The following XKR9 variants were observed in gnomAD, a reference collection of about 807,000 sequenced individuals.
The protein encoded by XKR9 is XK-related protein 9.
XKR9 carries 32 observed loss-of-function variants against 32.0 expected under a neutral mutation model. The ratio of observed to expected loss-of-function variants is 1.00; its 90% CI spans 0.76 to 1.34. The LOEUF (loss-of-function observed/expected upper bound fraction) is 1.34, where lower values mean the gene tolerates loss of function less well. XKR9 is among the 40% of genes most tolerant of loss of function. The pLI is 0.00. For missense variants in XKR9, 546 were observed against 429.7 expected (o/e 1.27, Z -2.39); for synonymous variants, 168 against 143.4 (o/e 1.17, Z -1.22).
At chr8:70,872,490 A>C in the XKR9 span, among the ~76,000 whole-genome samples, 2 of 152,380 alleles carry the variant, frequency 1.3e-5, no homozygotes, top group Admixed American at 1.3e-4. Context: ...AGATTTAGCT[A>C]AGATCATTGA....
intron 3 of XKR9, among the ~76,000 whole-genome samples, chr8:70,704,327 T>TATACAATGGCA (rs1805645184): frequency 6.6e-6 from 1 of 152,238 alleles, no homozygotes; most frequent in African/African-American, 2.4e-5. Flanking sequence ...TATTTGCCAT[T>TATACAATGGCA]AATTGTTTCA....
chr8:70,814,589 A>G, the XKR9 span, among the ~76,000 whole-genome samples: 6 of 152,100 alleles, frequency 3.9e-5, no homozygotes, highest in Non-Finnish European at 7.4e-5. Flanking sequence ...TAGAAAGAAC[A>G]TATCTAAAAA....
the XKR9 span, among the ~76,000 whole-genome samples, chr8:70,999,905 A>G: frequency 6.6e-6 from 1 of 152,192 alleles, no homozygotes; most frequent in African/African-American, 2.4e-5. Context: ...GCTAAGAAGT[A>G]TTTTGCTTCT....
the XKR9 span, among the ~76,000 whole-genome samples, chr8:70,795,567 C>A: frequency 6.6e-6 from 1 of 152,128 alleles, no homozygotes; most frequent in Admixed American, 6.5e-5. Context: ...CAACGTCTTC[C>A]ATAATGGTTG....
the XKR9 span, among the ~76,000 whole-genome samples, chr8:71,057,643 A>C: frequency 0.39 from 59,801 of 152,030 alleles, 13,596 homozygotes; most frequent in Non-Finnish European, 0.53. Flanking sequence ...ACAGTGTCAG[A>C]ACTGAGCAAA....
chr8:70,930,518 T>C, the XKR9 span, among the ~76,000 whole-genome samples: 1 of 152,298 alleles, frequency 6.6e-6, no homozygotes, highest in Admixed American at 6.5e-5. Flanking sequence ...AAGAGAGATA[T>C]TTTAAATCCC....
the XKR9 span, among the ~76,000 whole-genome samples, chr8:70,797,207 G>T: frequency 1.3e-5 from 2 of 151,958 alleles, no homozygotes; most frequent in African/African-American, 4.8e-5. Context: ...AGTGAGGGGT[G>T]TGCGCACACA....
the XKR9 span, among the ~76,000 whole-genome samples, chr8:71,057,966 C>T: frequency 6.6e-6 from 1 of 152,042 alleles, no homozygotes; most frequent in African/African-American, 2.4e-5. Context: ...GGATGGATCA[C>T]GAGATCAGAT....
chr8:70,883,263 G>A, the XKR9 span, among the ~76,000 whole-genome samples: 1 of 151,988 alleles, frequency 6.6e-6, no homozygotes, highest in Non-Finnish European at 1.5e-5. Flanking sequence ...ACTTCACTTA[G>A]AATAATGGCC....
intron 2 of XKR9, among the ~76,000 whole-genome samples, chr8:70,765,992 G>T (rs565968030): frequency 1.3e-5 from 2 of 151,884 alleles, no homozygotes; most frequent in South Asian, 4.2e-4. Context: ...CAGTCTTCTT[G>T]TTTTGGTTAC....
the XKR9 span, among the ~76,000 whole-genome samples, chr8:71,009,564 T>C: frequency 2.0e-5 from 3 of 152,038 alleles, no homozygotes; most frequent in Non-Finnish European, 4.4e-5. Flanking sequence ...TGTTTTGGGG[T>C]TGCAAAGCAA....
At chr8:70,991,186 G>T in the XKR9 span, among the ~76,000 whole-genome samples, 6 of 152,130 alleles carry the variant, frequency 3.9e-5, no homozygotes, top group African/African-American at 1.2e-4. Flanking sequence ...GTGTCTTGCT[G>T]CAGGGAAATA....
At chr8:70,902,840 C>G in the XKR9 span, among the ~76,000 whole-genome samples, 483 of 152,084 alleles carry the variant, frequency 3.2e-3, 1 homozygote, top group African/African-American at 0.011. Context: ...TAGCATGAAG[C>G]GCTGTTGAAT....
chr8:71,010,350 C>T, the XKR9 span, among the ~76,000 whole-genome samples: 1 of 152,162 alleles, frequency 6.6e-6, no homozygotes, highest in African/African-American at 2.4e-5. Flanking sequence ...TTAATGGTCC[C>T]ATATGTGTTT....
chr8:70,847,423 G>T, the XKR9 span, among the ~76,000 whole-genome samples: 1 of 151,604 alleles, frequency 6.6e-6, no homozygotes, highest in Non-Finnish European at 1.5e-5. Context: ...GTGCCCCAAA[G>T]AACTAGAAAA....
chr8:71,033,486 TG>T, the XKR9 span, among the ~76,000 whole-genome samples: 6 of 152,088 alleles, frequency 3.9e-5, no homozygotes, highest in Non-Finnish European at 8.8e-5. Flanking sequence ...GGTTTGGATG[TG>T]GTTTGTCCCC....
At chr8:70,786,670 T>C (rs1387816210) in intron 2 of XKR9, among the ~76,000 whole-genome samples, 1 of 152,162 alleles carries the variant, frequency 6.6e-6, no homozygotes, top group East Asian at 1.9e-4. Context: ...TGTGCCATTA[T>C]TCTTTTGTAT....
the XKR9 span, among the ~76,000 whole-genome samples, chr8:70,872,619 C>T: frequency 6.6e-6 from 1 of 152,182 alleles, no homozygotes; most frequent in Non-Finnish European, 1.5e-5. Flanking sequence ...GGCTTCAAAG[C>T]TTCAAAGGAC....
At chr8:70,753,056 G>C (rs1011030517) in intron 2 of XKR9, among the ~76,000 whole-genome samples, 3 of 152,120 alleles carry the variant, frequency 2.0e-5, no homozygotes, top group African/African-American at 7.2e-5. Flanking sequence ...GAATCAAATA[G>C]ACGCAATAAA....
Sources: allele counts gnomAD v4.1 joint callset (sites outside exome capture counted in the v4.1 genomes callset), GRCh38; gene constraint gnomAD v4.1.1; transcripts MANE v1.5; gene names NCBI Gene and HGNC (gene_info 2026-07-23, HGNC 2026-07-21).